The following COMMD6 variants were observed in gnomAD, a reference collection of about 807,000 sequenced individuals.
COMMD6 encodes COMM domain-containing protein 6.
A neutral mutation model predicts 13.4 loss-of-function variants in COMMD6; 11 were observed. The observed-to-expected ratio is 0.82, with a 90% CI of 0.52 to 1.36. The LOEUF (loss-of-function observed/expected upper bound fraction) is 1.36, where lower values mean the gene tolerates loss of function less well. COMMD6 is among the 40% of genes most tolerant of loss of function. The pLI, the probability that COMMD6 is intolerant of heterozygous loss-of-function variation, is 0.00. For missense variants in COMMD6, 124 were observed against 102.4 expected, an observed-to-expected ratio of 1.21 and a Z score of -0.91; for synonymous variants, 43 against 36.5, an observed-to-expected ratio of 1.18 and a Z score of -0.64.
chr13:75,527,200 G>C lies in COMMD6; in HGVS notation c.208-561C>G, dbSNP rs139033395. On this transcript the variant is annotated intron_variant, in intron 3 of 3. Coordinates refer to ENST00000682242, the MANE Select transcript of COMMD6 (RefSeq NM_203495.4). ...AAGGAATCAAGCAAATTGTTCTTCT[G>C]TCTTCTCCTGTACCTACCCCAGGAA... Among the ~76,000 whole-genome samples the C allele has an allele frequency of 1.5e-3, 224 of 152,266 alleles. 1 individual carries two copies. The highest frequency in any genetic ancestry group is 5.2e-3 in the African/African-American group (215 of 41,570).
intron 1 of COMMD6, among the ~76,000 whole-genome samples, chr13:75,546,267 G>A (rs1314464357): frequency 6.6e-6 from 1 of 152,204 alleles, no homozygotes; most frequent in Non-Finnish European, 1.5e-5. Flanking sequence ...AACTTGCACT[G>A]GTGAGGCAAA....
At position 75,529,287 on chromosome 13, in the gene COMMD6, A is replaced by G. The variant is rs548244637; in HGVS notation, c.207+827T>C. On this transcript the variant is annotated intron_variant, in intron 3 of 3. Transcript: ENST00000682242. ...TGTAATCCTGGCACTTTGGGAGGCC[A>G]AGGTGGGTGGATCACAAGGTCAGGA... Among the ~76,000 whole-genome samples, 7 of 152,274 alleles carry G rather than the reference A, an allele frequency of 4.6e-5. No homozygotes were observed. The East Asian group carries it at 9.7e-4, about 21-fold the overall frequency.
In COMMD6 at chr13:75,537,661, CACCTG is replaced by C. The variant is rs745394939; in HGVS notation, c.52_54+2del. 1.2e-4 allele frequency: 201 copies of C among 1,613,854 alleles called. No homozygotes were observed. The highest frequency in any genetic ancestry group is 1.5e-4 in the Non-Finnish European group (172 of 1,179,822). On this transcript the variant is annotated splice_donor_variant and coding_sequence_variant, in exon 2 of 4. Coordinates refer to ENST00000682242, the MANE Select transcript of COMMD6 (RefSeq NM_203495.4). LOFTEE classifies it high-confidence loss of function. ...GGACAGGGCGGGGCGGCCGCTCACC[CACCTG>C]GTTGGTGACCTGAAACGGAAGCAGA...
intron 1 of COMMD6, among the ~76,000 whole-genome samples, chr13:75,548,007 G>C (rs116225180): frequency 2.6e-5 from 4 of 152,184 alleles, no homozygotes; most frequent in African/African-American, 9.7e-5. Flanking sequence ...CTTGCTGTCC[G>C]GCCTTGTGTC....
intron 2 of COMMD6, among the ~76,000 whole-genome samples, chr13:75,536,851 T>G (rs2030680832): frequency 6.6e-6 from 1 of 152,184 alleles, no homozygotes; most frequent in African/African-American, 2.4e-5. Context: ...AAACTTAACG[T>G]AAGAGAATGG....
At position 75,530,222 on chromosome 13, in the gene COMMD6, G is replaced by A. The variant is rs2053627655; in HGVS notation, c.99C>T (p.Asp33=). Residue 33 remains aspartate, a synonymous_variant, in exon 3 of 4, where the codon GAC becomes GAT. Transcript: ENST00000682242. The part of the protein sequence containing the change: ...QWKLGMAVSS[D]TCRSLKYPYV... ...AAGGATACTTAAGAGATCTGCAAGTGTCTGAGCTCACAGCCATACCCAGTT... is the reference window on the plus strand; with the variant it reads ...AAGGATACTTAAGAGATCTGCAAGTATCTGAGCTCACAGCCATACCCAGTT... The A allele has an allele frequency of 1.2e-6, 2 of 1,613,626 alleles. No homozygotes were observed. Among genetic ancestry groups the A allele is most frequent in the East Asian group, 4.5e-5 (2 of 44,864 alleles).
chr13:75,531,375 G>A (rs1465816126), intron 2 of COMMD6, among the ~76,000 whole-genome samples: 1 of 152,152 alleles, frequency 6.6e-6, no homozygotes, highest in Non-Finnish European at 1.5e-5. Context: ...GACTTTTGGG[G>A]TATGGAATAG....
chr13:75,539,354 T>C (rs1431341703), upstream of COMMD6, among the ~76,000 whole-genome samples: 1 of 152,072 alleles, frequency 6.6e-6, no homozygotes, highest in Non-Finnish European at 1.5e-5. Flanking sequence ...TTCTCCTGCC[T>C]CAGCCTTTTT....
chr13:75,530,009 A>G (rs918054597), intron 3 of COMMD6, 105 bp downstream of exon 3: 3 of 859,778 alleles, frequency 3.5e-6, no homozygotes, highest in Non-Finnish European at 5.5e-6. Context: ...ATATCAATCT[A>G]CAAATAAAAA....
intron 2 of COMMD6, among the ~76,000 whole-genome samples, chr13:75,537,191 A>G (rs1482338312): frequency 6.6e-6 from 1 of 152,266 alleles, no homozygotes; most frequent in Non-Finnish European, 1.5e-5. Context: ...ACAGCACAGC[A>G]GCACTTGAAA....
At chr13:75,533,584 AAAAAG>A (rs1390840428) in intron 2 of COMMD6, among the ~76,000 whole-genome samples, 6 of 151,856 alleles carry the variant, frequency 4.0e-5, no homozygotes, top group Non-Finnish European at 7.4e-5. Flanking sequence ...AAAAAAAAAA[AAAAAG>A]AGAGAGAGAG....
upstream of COMMD6, among the ~76,000 whole-genome samples, chr13:75,539,527 G>A (rs1317040823): frequency 3.6e-4 from 55 of 152,116 alleles, 1 homozygote; most frequent in Admixed American, 3.5e-3. Context: ...GATTACAGAC[G>A]TGAGCCACTG....
upstream of COMMD6, chr13:75,537,888 G>T: frequency 7.0e-7 from 1 of 1,429,922 alleles, no homozygotes; most frequent in Non-Finnish European, 9.4e-7. Flanking sequence ...GCCCCTAGCG[G>T]CCTGGCGCAT....
chr13:75,540,326 ACACACACACACACACACC>A (rs976993482), upstream of COMMD6, among the ~76,000 whole-genome samples: 1 of 98,486 alleles, frequency 1.0e-5, no homozygotes, highest in African/African-American at 4.1e-5. Context: ...GGTGGTAAAT[ACACACACACACACACACC>A]CACACACACA....
chr13:75,534,505 G>A (rs1566198820), intron 2 of COMMD6, among the ~76,000 whole-genome samples: 2 of 152,216 alleles, frequency 1.3e-5, no homozygotes, highest in South Asian at 2.1e-4. Flanking sequence ...AAGTAGGAGT[G>A]AACTGCACAG....
intron 3 of COMMD6, chr13:75,527,699 G>C (rs2030309917): frequency 2.6e-6 from 3 of 1,132,680 alleles, no homozygotes; most frequent in Middle Eastern, 3.0e-4. Flanking sequence ...CCTGCCATTT[G>C]CAACAACATG....
upstream of COMMD6, among the ~76,000 whole-genome samples, chr13:75,538,290 TC>T (rs1290848875): frequency 2.0e-5 from 3 of 152,218 alleles, no homozygotes; most frequent in East Asian, 5.8e-4. Flanking sequence ...GGGCATGCTT[TC>T]CATTATCCCT....
At chr13:75,533,482 T>C (rs2030559913) in intron 2 of COMMD6, among the ~76,000 whole-genome samples, 1 of 147,750 alleles carries the variant, frequency 6.8e-6, no homozygotes, top group Non-Finnish European at 1.5e-5. Flanking sequence ...AGTGGGAGGA[T>C]CACCTAAGCC....
chr13:75,532,514 G>T (rs886982676), intron 2 of COMMD6, among the ~76,000 whole-genome samples: 3 of 152,156 alleles, frequency 2.0e-5, no homozygotes, highest in African/African-American at 7.2e-5. Context: ...GAAAAGAGTC[G>T]AAATTTGGTT....
Sources: allele counts gnomAD v4.1 joint callset (sites outside exome capture counted in the v4.1 genomes callset), GRCh38; gene constraint gnomAD v4.1.1; transcripts MANE v1.5; gene names NCBI Gene and HGNC (gene_info 2026-07-23, HGNC 2026-07-21).